PFKL: variants seen among roughly 807,000 people sequenced by gnomAD.
The protein encoded by PFKL is phosphofructokinase, liver type, also known as ATP-dependent 6-phosphofructokinase, liver type.
A neutral mutation model predicts 92.1 loss-of-function variants in PFKL; 74 were observed. That is an observed-to-expected ratio of 0.80 (90% CI 0.67 to 0.97). The LOEUF (loss-of-function observed/expected upper bound fraction) is 0.97. Ranked by LOEUF, PFKL falls within the 50% of genes least tolerant of loss-of-function variation. The pLI is 0.00. For missense variants in PFKL, 1,028 were observed against 1,116.6 expected (o/e 0.92, Z 1.13); for synonymous variants, 494 against 456.4 (o/e 1.08, Z -1.05).
intron 1 of PFKL, chr21:44,305,206 T>C (rs2040897092): frequency 8.0e-7 from 1 of 1,242,982 alleles, no homozygotes; most frequent in Non-Finnish European, 1.0e-6. Context: ...TGGTGGCAGA[T>C]ACTCTGGCTG....
chr21:44,324,381 A>T, intron 16 of PFKL, 110 bp from the exon 17 acceptor site: 1 of 1,125,412 alleles, frequency 8.9e-7, no homozygotes, highest in Non-Finnish European at 1.3e-6. Flanking sequence ...TGGGTGCGTC[A>T]GCCCCAGGCT....
chr21:44,311,052 A>C lies in PFKL; in HGVS notation c.206A>C (p.Asn69Thr). ...VEGGENIKQA[N>T]WLSVSNIIQL... ...GGAGGTGAGAACATCAAGCAGGCCA[A>C]CTGGCTGAGCGTCTCCAACATCATC... The change falls in exon 3 of 22, where the codon AAC becomes ACC. Residue 69 changes from asparagine to threonine, a missense_variant. By Grantham distance (65) the Asn-to-Thr change is moderately conservative (BLOSUM62 0). Transcript: ENST00000349048. 6 of 1,613,168 alleles carry C rather than the reference A, an allele frequency of 3.7e-6. No individual in the cohort carries two copies. Among genetic ancestry groups the C allele is most frequent in the Non-Finnish European group, 5.1e-6 (6 of 1,179,632 alleles).
At position 44,326,067 on chromosome 21, in the gene PFKL, G is replaced by A; in HGVS notation, c.2089+7G>A. 5 of 1,612,620 alleles carry A rather than the reference G, an allele frequency of 3.1e-6. No individual in the cohort carries two copies. The highest frequency in any genetic ancestry group is 4.2e-6 in the Non-Finnish European group (5 of 1,179,188). On this transcript the variant is annotated splice_region_variant and intron_variant, in intron 20 of 21. Transcript: ENST00000349048. ...CGCGAGGTTTACCGCAAGGGTAGGT[G>A]GTGGGTGCGACCCGAGGCCTCACTT...
chr21:44,323,484 C>A (rs112838287), intron 15 of PFKL, among the ~76,000 whole-genome samples: 1 of 152,216 alleles, frequency 6.6e-6, no homozygotes, highest in South Asian at 2.1e-4. Context: ...AAATGACAGC[C>A]CTTCCCCCTT....
rs943332887 is a variant in PFKL at position 44,304,381 on chromosome 21, C to T, written c.86-2300C>T. On this transcript the variant is annotated intron_variant, in intron 1 of 21. Transcript: ENST00000349048. Reference sequence around the variant, plus strand: ...CTGGAGCTGGGGAGACCAGAGAGGCCCTGTGGTTGGACGGTGGCCTGGGTG... The same window carrying T: ...CTGGAGCTGGGGAGACCAGAGAGGCTCTGTGGTTGGACGGTGGCCTGGGTG... The T allele has an allele frequency of 2.6e-5, 33 of 1,270,208 alleles. No homozygotes were observed. In the African/African-American group the frequency reaches 4.8e-4, roughly 18 times the overall value. 78.7% of individuals were successfully genotyped at this position (1,270,208 alleles called of 1,614,324 possible).
At chr21:44,326,342 GC>G in intron 21 of PFKL, 78 bp downstream of exon 21, 1 of 1,112,984 alleles carries the variant, frequency 9.0e-7, no homozygotes, top group Non-Finnish European at 1.3e-6. Flanking sequence ...GGTGTGCCAG[GC>G]CCAGCCCCAC....
At chr21:44,300,865 T>C (rs1286653120) in intron 1 of PFKL, among the ~76,000 whole-genome samples, 1 of 152,180 alleles carries the variant, frequency 6.6e-6, no homozygotes, top group Non-Finnish European at 1.5e-5. Context: ...GCACGCTCCC[T>C]CCCGGAGGCC....
At position 44,324,672 on chromosome 21, in the gene PFKL, C is replaced by A; in HGVS notation, c.1815+17C>A. ...GACTTAAAGGTGAGCCCAGCCCAGC[C>A]CCTGCTGCGGCAGACCTGCCGGCAT... On this transcript the variant is annotated intron_variant, in intron 17 of 21. Coordinates refer to ENST00000349048, the MANE Select transcript of PFKL (RefSeq NM_002626.6). The A allele has an allele frequency of 6.4e-7, 1 of 1,570,434 alleles. No homozygotes were observed. Among genetic ancestry groups the A allele is most frequent in the Non-Finnish European group, 8.7e-7 (1 of 1,155,552 alleles).
rs931192410 is a variant in PFKL at position 44,326,991 on chromosome 21, C to G, written c.*129C>G. 5 of 838,090 alleles carry G rather than the reference C, an allele frequency of 6.0e-6. No homozygotes were observed. In the African/African-American group the frequency reaches 8.5e-5, roughly 14 times the overall value. The allele number at this position is 838,090 out of a possible 1,614,324, so 51.9% of individuals were successfully genotyped here. On this transcript the variant is annotated 3_prime_UTR_variant, in exon 22 of 22. Coordinates refer to ENST00000349048, the MANE Select transcript of PFKL (RefSeq NM_002626.6). ...GGGGCTGCGTCCCTGCTCAGCCCAT[C>G]CCCTGCCTCTATCCCTGGCCACCTG...
intron 21 of PFKL, 65 bp from the exon 22 acceptor site, chr21:44,326,650 G>T: frequency 6.7e-7 from 1 of 1,502,066 alleles, no homozygotes; most frequent in South Asian, 1.2e-5. Flanking sequence ...GGGGGCTGGG[G>T]ACGTGGCTGA....
intron 2 of PFKL, among the ~76,000 whole-genome samples, chr21:44,308,764 G>A (rs947138745): frequency 3.3e-5 from 5 of 152,064 alleles, no homozygotes; most frequent in African/African-American, 1.2e-4. Context: ...GTTTCACCAT[G>A]TTGGCCAGCC....
At chr21:44,314,283 T>G (rs2047139481) in intron 7 of PFKL, 1 of 511,862 alleles carries the variant, frequency 2.0e-6, no homozygotes, top group Non-Finnish European at 3.5e-6. Flanking sequence ...AGCCCCGTGG[T>G]CAGTGTGGGG....
intron 14 of PFKL, 79 bp downstream of exon 14, chr21:44,322,282 G>A: frequency 1.4e-6 from 2 of 1,385,746 alleles, no homozygotes; most frequent in South Asian, 1.3e-5. Context: ...GGGCGGCAAG[G>A]GGAACCCAGC....
chr21:44,314,180 GC>G (rs2047135153), intron 7 of PFKL, 159 bp downstream of exon 7: 2 of 618,866 alleles, frequency 3.2e-6, no homozygotes, highest in Non-Finnish European at 5.8e-6. Context: ...GGAGTGGGGG[GC>G]TACGGGGCTG....
intron 2 of PFKL, among the ~76,000 whole-genome samples, chr21:44,310,353 C>T (rs566884663): frequency 1.2e-4 from 19 of 152,320 alleles, no homozygotes; most frequent in South Asian, 1.0e-3. Flanking sequence ...TGGCGGGACG[C>T]GGAGCCTGGA....
At chr21:44,304,524 G>A (rs1308009873) in intron 1 of PFKL, 2 of 1,140,580 alleles carry the variant, frequency 1.8e-6, no homozygotes, top group East Asian at 1.7e-4. Context: ...CTTAGCTTCG[G>A]CCAGCTGTGG....
Position 44,326,899 on chromosome 21 carries a change from C to G in PFKL, c.*37C>G. On this transcript the variant is annotated 3_prime_UTR_variant, in exon 22 of 22. Transcript: ENST00000349048. ...CCCACGCCCCTCCCCAGCCCCCACC[C>G]ATGCCAGCGCAGCGCCAGGGCTCAG... 6.4e-7 allele frequency: 1 copy of G among 1,559,830 alleles called. No homozygotes were observed. The highest frequency in any genetic ancestry group is 2.3e-5 in the East Asian group (1 of 42,796).
intron 14 of PFKL, among the ~76,000 whole-genome samples, chr21:44,322,607 G>T (rs1254724938): frequency 1.3e-5 from 2 of 152,232 alleles, no homozygotes; most frequent in Non-Finnish European, 2.9e-5. Flanking sequence ...AGGGGAAGTT[G>T]CTGAGTCCTG....
At chr21:44,316,381 C>G (rs2047206032) in intron 8 of PFKL, 42 bp downstream of exon 8, 1 of 1,611,650 alleles carries the variant, frequency 6.2e-7, no homozygotes, top group Non-Finnish European at 8.5e-7. Flanking sequence ...ACCTGCTCCT[C>G]TAGGCCGTGT....
Sources: gnomAD v4.1 joint callset for allele counts (sites outside exome capture counted in the v4.1 genomes callset) on GRCh38, gnomAD v4.1.1 for gene constraint, MANE v1.5 for transcripts, NCBI Gene and HGNC (gene_info 2026-07-23, HGNC 2026-07-21) for gene names.